Variants in SPECC1 observed in about 807,000 individuals in gnomAD.
The protein encoded by SPECC1 is sperm antigen with calponin homology and coiled-coil domains 1.
SPECC1 carries 62 observed loss-of-function variants against 104.1 expected under a neutral mutation model. The observed-to-expected ratio is 0.60, with a 90% CI of 0.49 to 0.74. The LOEUF (loss-of-function observed/expected upper bound fraction) is 0.74, where lower values mean the gene tolerates loss of function less well. SPECC1 is among the 30% of genes least tolerant of loss of function. The probability of loss-of-function intolerance (pLI) is 0.00; values close to 1 mark genes in which losing one functional copy is unlikely to be tolerated. For missense variants in SPECC1, 1,306 were observed against 1,310.5 expected (o/e 1.00, Z 0.05); for synonymous variants, 513 against 501.6 (o/e 1.02, Z -0.30).
At chr17:20,069,647 T>A (rs1328078234) in intron 1 of SPECC1, among the ~76,000 whole-genome samples, 3 of 152,118 alleles carry the variant, frequency 2.0e-5, no homozygotes, top group Non-Finnish European at 4.4e-5. Context: ...GCCCATAAAT[T>A]TATGGGTTCA....
At chr17:20,185,118 A>G (rs568274743) in intron 3 of SPECC1, 1 of 152,348 alleles carries the variant, frequency 6.6e-6, no homozygotes, top group South Asian at 2.1e-4. Flanking sequence ...ACTTGAATGA[A>G]TGGGTTTTGA....
chr17:20,294,068 GC>G (rs572126049), intron 12 of SPECC1, among the ~76,000 whole-genome samples: 2 of 152,156 alleles, frequency 1.3e-5, no homozygotes, highest in Non-Finnish European at 2.9e-5. Flanking sequence ...TGCAACCTCT[GC>G]CTTCCAGGTT....
intron 6 of SPECC1, 130 bp from the exon 7 acceptor site, chr17:20,232,070 G>T: frequency 9.0e-7 from 1 of 1,108,684 alleles, no homozygotes. Context: ...GTGAGCCACC[G>T]TGTAAGCAGG....
Position 20,201,933 on chromosome 17 carries a change from G to A in SPECC1, c.284-2400G>A, listed in dbSNP as rs2036461699. On this transcript the variant is annotated intron_variant, in intron 3 of 14. Coordinates refer to ENST00000395527, the MANE Select transcript of SPECC1 (RefSeq NM_001243439.2). Reference sequence around the variant, plus strand: ...AAATTCAGATGAACTGGGTAGTCTAGAAATATGAAAACAATTGAGAAAAAG... The same window carrying A: ...AAATTCAGATGAACTGGGTAGTCTAAAAATATGAAAACAATTGAGAAAAAG... Among the ~76,000 whole-genome samples the A allele has an allele frequency of 2.6e-5, 4 of 152,228 alleles. No individual in the cohort carries two copies. The South Asian group carries it at 6.2e-4, about 24-fold the overall frequency.
intron 7 of SPECC1, among the ~76,000 whole-genome samples, chr17:20,235,746 G>T (rs568897319): frequency 6.6e-6 from 1 of 152,188 alleles, no homozygotes; most frequent in Non-Finnish European, 1.5e-5. Context: ...CATGGAAAAC[G>T]TCTTTAAAAG....
intron 12 of SPECC1, among the ~76,000 whole-genome samples, chr17:20,262,993 AAAAAG>A (rs936326513): frequency 1.4e-4 from 21 of 151,914 alleles, no homozygotes; most frequent in African/African-American, 5.1e-4. Flanking sequence ...GTGGGTCAGA[AAAAAG>A]AAAAGAAAAA....
At chr17:20,143,022 G>T (rs2031013823) in intron 3 of SPECC1, among the ~76,000 whole-genome samples, 1 of 151,058 alleles carries the variant, frequency 6.6e-6, no homozygotes, top group African/African-American at 2.4e-5. Flanking sequence ...TAATTGAGAT[G>T]GTGAGTTTTA....
At chr17:20,278,832 T>C (rs1250154595) in intron 12 of SPECC1, among the ~76,000 whole-genome samples, 1 of 152,176 alleles carries the variant, frequency 6.6e-6, no homozygotes, top group South Asian at 2.1e-4. Flanking sequence ...AAATTTTTTA[T>C]ATAAATGTTA....
At chr17:20,133,161 G>A (rs978649507) in intron 3 of SPECC1, among the ~76,000 whole-genome samples, 7 of 151,860 alleles carry the variant, frequency 4.6e-5, no homozygotes, top group African/African-American at 1.7e-4. Flanking sequence ...TTTTTTGTCA[G>A]AAGTTTGTCA....
chr17:20,038,624 A>T (rs1279067615), intron 1 of SPECC1, among the ~76,000 whole-genome samples: 4 of 151,462 alleles, frequency 2.6e-5, no homozygotes, highest in Non-Finnish European at 5.9e-5. Context: ...CTGGTCTCGA[A>T]CTCCTGATCT....
rs183970756 is a variant in SPECC1 at position 20,050,037 on chromosome 17, G to A, written c.-22+40613G>A. 4.6e-5 allele frequency among the ~76,000 whole-genome samples: 7 copies of A among 152,044 alleles called. No individual in the cohort carries two copies. In the East Asian group the frequency reaches 1.4e-3, roughly 29 times the overall value. The stretch of plus-strand genomic sequence containing the variant: ...TCTCCATGTTGCTCAGGCTGGTCTC[G>A]AACTCCCGACCTCAGGTGATCTGCC... On this transcript the variant is annotated intron_variant, in intron 1 of 14. Coordinates refer to ENST00000395527, the MANE Select transcript of SPECC1 (RefSeq NM_001243439.2).
At chr17:20,058,476 G>C (rs1438970718) in intron 1 of SPECC1, among the ~76,000 whole-genome samples, 1 of 152,066 alleles carries the variant, frequency 6.6e-6, no homozygotes, top group Admixed American at 6.5e-5. Context: ...TGGGCAACAT[G>C]GTGAGACCCC....
At chr17:20,270,142 G>C (rs1276952505) in intron 12 of SPECC1, among the ~76,000 whole-genome samples, 8 of 152,092 alleles carry the variant, frequency 5.3e-5, no homozygotes, top group Non-Finnish European at 8.8e-5. Context: ...TGCTTAGTGG[G>C]TACAGGGTTT....
In SPECC1 at chr17:20,316,618, C is replaced by T. The variant is rs1349928465; in HGVS notation, c.*2553C>T. ...TCCTGATGGCAAGGTGATCTGCCTG[C>T]CTCAGCCTCCCAAAGTGCTGGGATT... On this transcript the variant is annotated 3_prime_UTR_variant, in exon 15 of 15. Transcript: ENST00000395527. The T allele has an allele frequency of 4.9e-5, 9 of 184,234 alleles. No individual in the cohort carries two copies. In the East Asian group the frequency reaches 8.0e-4, roughly 16 times the overall value. 11.4% of individuals were successfully genotyped at this position (184,234 alleles called of 1,614,324 possible).
At chr17:20,301,442 G>C (rs917733523) in intron 13 of SPECC1, among the ~76,000 whole-genome samples, 1 of 150,716 alleles carries the variant, frequency 6.6e-6, no homozygotes, top group African/African-American at 2.4e-5. Flanking sequence ...ACTTACATCA[G>C]AAAGGGCACC....
At chr17:20,155,855 G>A (rs2032426165) in intron 3 of SPECC1, 19 of 1,002,920 alleles carry the variant, frequency 1.9e-5, no homozygotes, top group Non-Finnish European at 2.3e-5. Flanking sequence ...CCTTCTGGCA[G>A]CCAAGAAGGA....
chr17:20,110,126 T>G (rs1006221925), intron 2 of SPECC1, among the ~76,000 whole-genome samples: 1 of 152,202 alleles, frequency 6.6e-6, no homozygotes, highest in Non-Finnish European at 1.5e-5. Context: ...CGTGAGTCAC[T>G]GTGCCCAGCC....
At chr17:20,043,669 C>T (rs1277280599) in intron 1 of SPECC1, among the ~76,000 whole-genome samples, 2 of 152,126 alleles carry the variant, frequency 1.3e-5, no homozygotes, top group Non-Finnish European at 2.9e-5. Context: ...CATGGGATGT[C>T]CCAGACTCAC....
chr17:20,191,592 CCAT>C (rs746391572), intron 3 of SPECC1, among the ~76,000 whole-genome samples: 46 of 151,120 alleles, frequency 3.0e-4, no homozygotes, highest in Non-Finnish European at 6.3e-4. Flanking sequence ...TTTGTTGCAC[CCAT>C]CATCAACCTG....
Sources: allele counts gnomAD v4.1 joint callset (sites outside exome capture counted in the v4.1 genomes callset), GRCh38; gene constraint gnomAD v4.1.1; transcripts MANE v1.5; gene names NCBI Gene and HGNC (gene_info 2026-07-23, HGNC 2026-07-21).